The following BAZ1A variants were observed in gnomAD, a reference collection of about 807,000 sequenced individuals.
The protein encoded by BAZ1A is bromodomain adjacent to zinc finger domain protein 1A.
BAZ1A carries 50 observed loss-of-function variants against 185.2 expected under a neutral mutation model. That is an observed-to-expected ratio of 0.27 (90% CI 0.22 to 0.34). The LOEUF is 0.34. Ranked by LOEUF, BAZ1A falls within the 10% of genes least tolerant of loss-of-function variation. BAZ1A has a pLI of 1.00. For synonymous variants in BAZ1A, 571 were observed against 615.6 expected (o/e 0.93, Z 1.07); for missense variants, 1,356 against 1,839.9 (o/e 0.74, Z 4.81).
rs1324427486 is a variant in BAZ1A at position 34,783,184 on chromosome 14, C to T, written c.2046G>A (p.Met682Ile). 2 of 1,601,820 alleles carry T rather than the reference C, an allele frequency of 1.2e-6. No individual in the cohort carries two copies. The highest frequency in any genetic ancestry group is 1.7e-6 in the Non-Finnish European group (2 of 1,172,868). ...CTTTCAGTTTTTCTTGTTTCTCTTT[C>T]ATTTTTTGTTCTTGCTCCTTAAGTT... ...EEKLKEQEQK[M>I]KEKQEKLKED... The change falls in exon 16 of 27, where the codon ATG (methionine) becomes ATA (isoleucine). Residue 682 changes from methionine (M) to isoleucine (I), a missense_variant. Physicochemically the swap from Met to Ile is conservative, Grantham distance 10 (BLOSUM62 1). Coordinates refer to ENST00000360310, the MANE Select transcript of BAZ1A (RefSeq NM_013448.3).
intron 7 of BAZ1A, among the ~76,000 whole-genome samples, chr14:34,801,739 T>C (rs1369661704): frequency 1.3e-5 from 2 of 152,024 alleles, no homozygotes; most frequent in African/African-American, 2.4e-5. Context: ...TGAAACCCCA[T>C]CTCTATTAAA....
chr14:34,760,777 G>A (rs140412421), intron 24 of BAZ1A, among the ~76,000 whole-genome samples: 11 of 152,130 alleles, frequency 7.2e-5, no homozygotes, highest in South Asian at 4.2e-4. Context: ...GCTTGAGCCC[G>A]GGAAGCAGAG....
chr14:34,809,204 G>C (rs189734712), intron 5 of BAZ1A, among the ~76,000 whole-genome samples: 53 of 152,188 alleles, frequency 3.5e-4, no homozygotes, highest in African/African-American at 1.1e-3. Flanking sequence ...CTCCCACACA[G>C]ATAACCAAGG....
chr14:34,809,727 A>G (rs2041902914), intron 5 of BAZ1A, among the ~76,000 whole-genome samples: 1 of 152,192 alleles, frequency 6.6e-6, no homozygotes, highest in Non-Finnish European at 1.5e-5. Flanking sequence ...TAGCAGAATA[A>G]TTATATTTAA....
Position 34,771,600 on chromosome 14 carries a change from T to C in BAZ1A, c.3212A>G (p.Gln1071Arg). ...ATAATGAACCACACTGCTCACTGAT[T>C]GTGGTGTACTTGCATTTGTTGATAC... ...STVSTNASTPQSVSSVVHYLA... is the reference protein window; with the variant it reads ...STVSTNASTPRSVSSVVHYLA... The change falls in exon 21 of 27, where the codon CAA becomes CGA. Residue 1071 changes from glutamine to arginine, a missense_variant. By Grantham distance (43) the Gln-to-Arg change is conservative. Coordinates refer to ENST00000360310, the MANE Select transcript of BAZ1A (RefSeq NM_013448.3). The C allele has an allele frequency of 6.2e-7, 1 of 1,614,098 alleles. No homozygotes were observed. The highest frequency in any genetic ancestry group is 1.3e-5 in the African/African-American group (1 of 75,032).
intron 3 of BAZ1A, among the ~76,000 whole-genome samples, chr14:34,844,758 AACACACACACACACACGCGCACACACAC>A (rs1566593011): frequency 7.6e-6 from 1 of 130,848 alleles, no homozygotes; most frequent in Non-Finnish European, 1.6e-5. Flanking sequence ...ACCCTGTCTA[AACACACACACACACACGCGCACACACAC>A]ACACACACAC....
intron 4 of BAZ1A, among the ~76,000 whole-genome samples, chr14:34,812,671 T>C (rs1156848773): frequency 6.6e-6 from 1 of 152,064 alleles, no homozygotes; most frequent in Non-Finnish European, 1.5e-5. Flanking sequence ...GTAAAGAGGA[T>C]GTAAGTGGGG....
intron 17 of BAZ1A, 76 bp from the exon 18 acceptor site, chr14:34,776,591 C>T (rs1264640764): frequency 7.9e-7 from 1 of 1,272,456 alleles, no homozygotes; most frequent in African/African-American, 1.5e-5. Context: ...ACAAAGTTAC[C>T]CCAAGTTATT....
chr14:34,795,890 C>T (rs755064096), intron 9 of BAZ1A, 125 bp from the exon 10 acceptor site: 31 of 671,634 alleles, frequency 4.6e-5, no homozygotes, highest in Non-Finnish European at 7.2e-5. Context: ...GAAGCAGTAA[C>T]TCTGAGGTTA....
chr14:34,786,404 A>C, intron 12 of BAZ1A, 183 bp from the exon 13 acceptor site: 3 of 549,928 alleles, frequency 5.5e-6, no homozygotes, highest in Non-Finnish European at 9.5e-6. Context: ...ATAAATCCTA[A>C]ACCAAGCACT....
At chr14:34,756,216 C>T (rs556353562) in intron 25 of BAZ1A, among the ~76,000 whole-genome samples, 6 of 150,798 alleles carry the variant, frequency 4.0e-5, no homozygotes, top group Admixed American at 6.6e-5. Flanking sequence ...CGGGTTCAAG[C>T]GATTGTCCTG....
chr14:34,797,015 T>C (rs1490962326), intron 9 of BAZ1A, among the ~76,000 whole-genome samples: 5 of 152,126 alleles, frequency 3.3e-5, no homozygotes, highest in African/African-American at 1.2e-4. Context: ...CTTCTACAAA[T>C]TTATCCTGGG....
intron 3 of BAZ1A, among the ~76,000 whole-genome samples, chr14:34,858,595 T>G (rs1053818175): frequency 2.0e-5 from 3 of 152,036 alleles, no homozygotes; most frequent in Admixed American, 6.6e-5. Flanking sequence ...GATTACAGGC[T>G]TGAGCCACCA....
At chr14:34,871,639 G>A (rs1566608046) in intron 2 of BAZ1A, among the ~76,000 whole-genome samples, 2 of 152,234 alleles carry the variant, frequency 1.3e-5, no homozygotes, top group Non-Finnish European at 2.9e-5. Context: ...TCGGGAGGCC[G>A]AGGCAGGTGG....
chr14:34,776,260 C>A lies in BAZ1A; in HGVS notation c.2492G>T (p.Gly831Val). The A allele has an allele frequency of 6.2e-7, 1 of 1,613,460 alleles. No homozygotes were observed. Among genetic ancestry groups the A allele is most frequent in the Non-Finnish European group, 8.5e-7 (1 of 1,179,506 alleles). Reference sequence around the variant, plus strand: ...AGGCAACAGCATGTCTTCAGTAAGACCAGAATAATCCTCTTCAATAAAGAG... The same window carrying A: ...AGGCAACAGCATGTCTTCAGTAAGAACAGAATAATCCTCTTCAATAAAGAG... ...PGLFIEEDYS[G>V]LTEDMLLPRP... Residue 831 changes from glycine to valine, a missense_variant, in exon 18 of 27, where the codon GGT becomes GTT. Gly to Val is a moderately radical substitution (Grantham distance 109). This residue lies in a region of BAZ1A where 434 missense variants were observed against 561.7 expected (regional missense o/e 0.77). Transcript: ENST00000360310.
intron 3 of BAZ1A, among the ~76,000 whole-genome samples, chr14:34,834,337 G>A (rs1387422914): frequency 6.6e-6 from 1 of 152,152 alleles, no homozygotes; most frequent in African/African-American, 2.4e-5. Flanking sequence ...TGGTGGTCAT[G>A]AGGCAAATAC....
At chr14:34,775,879 G>C (rs760650290) in intron 18 of BAZ1A, 40 bp downstream of exon 18, 33 of 1,486,120 alleles carry the variant, frequency 2.2e-5, no homozygotes, top group East Asian at 2.3e-5. Context: ...AGATTAGGGG[G>C]AGGGAAAAAA....
chr14:34,780,992 G>A (rs774799540), intron 16 of BAZ1A, among the ~76,000 whole-genome samples: 9 of 152,002 alleles, frequency 5.9e-5, no homozygotes, highest in Non-Finnish European at 5.9e-5. Flanking sequence ...GAGAGAAGAT[G>A]ATAAATAGTG....
chr14:34,761,153 C>T (rs372538379), intron 24 of BAZ1A, among the ~76,000 whole-genome samples: 66 of 152,042 alleles, frequency 4.3e-4, no homozygotes, highest in African/African-American at 1.5e-3. Context: ...TGGTGCATAC[C>T]TGTAATCCTG....
Sources: allele counts gnomAD v4.1 joint callset (sites outside exome capture counted in the v4.1 genomes callset), GRCh38; gene constraint gnomAD v4.1.1; regional missense constraint gnomAD v4.1.1; transcripts MANE v1.5; gene names NCBI Gene and HGNC (gene_info 2026-07-23, HGNC 2026-07-21).